Variants in PPM1L observed in about 807,000 individuals in gnomAD.
PPM1L encodes the protein protein phosphatase 1L.
PPM1L carries 13 observed loss-of-function variants against 31.4 expected under a neutral mutation model. The observed-to-expected ratio is 0.41, with a 90% CI of 0.27 to 0.66. PPM1L has a LOEUF of 0.66. Among genes scored for constraint, PPM1L ranks in the 30% least tolerant of loss-of-function variants. The probability of loss-of-function intolerance (pLI) is 0.29; values close to 1 mark genes in which losing one functional copy is unlikely to be tolerated. For synonymous variants in PPM1L, 184 were observed against 175.4 expected (o/e 1.05, Z -0.39); for missense variants, 326 against 453.7 (o/e 0.72, Z 2.56).
At chr3:160,820,503 T>A (rs1576653803) in intron 1 of PPM1L, among the ~76,000 whole-genome samples, 2 of 152,220 alleles carry the variant, frequency 1.3e-5, no homozygotes, top group East Asian at 3.9e-4. Context: ...TTCTTTGTCT[T>A]CAGCCCCAGT....
intron 1 of PPM1L, among the ~76,000 whole-genome samples, chr3:160,767,100 A>G (rs1715121942): frequency 6.6e-6 from 1 of 152,226 alleles, no homozygotes; most frequent in Admixed American, 6.5e-5. Context: ...TAGTTTGTAC[A>G]GAAGCTAAAG....
chr3:160,934,425 C>A (rs1442568091), intron 1 of PPM1L, among the ~76,000 whole-genome samples: 2 of 152,092 alleles, frequency 1.3e-5, no homozygotes, highest in Non-Finnish European at 2.9e-5. Context: ...TTCCATTATT[C>A]CCATCCAACA....
intron 1 of PPM1L, among the ~76,000 whole-genome samples, chr3:160,811,264 C>A (rs1044333947): frequency 2.0e-5 from 3 of 152,342 alleles, no homozygotes; most frequent in Admixed American, 6.5e-5. Flanking sequence ...CTATCCCCCT[C>A]TTTTCTCCCC....
intron 1 of PPM1L, among the ~76,000 whole-genome samples, chr3:160,772,021 T>C (rs1715270634): frequency 6.6e-6 from 1 of 152,172 alleles, no homozygotes; most frequent in African/African-American, 2.4e-5. Flanking sequence ...GACCTGTTTT[T>C]ATAAATGCCT....
Position 160,906,512 on chromosome 3 carries a change from G to T in PPM1L, c.400-55224G>T, listed in dbSNP as rs542193418. 2.6e-3 allele frequency among the ~76,000 whole-genome samples: 393 copies of T among 152,298 alleles called. 1 individual carries two copies. The highest frequency in any genetic ancestry group is 4.2e-3 in the Non-Finnish European group (283 of 68,022). ...AGCTACTCAGGAGGCTGAGGCAGGA[G>T]AATTGCTTGAACCTGGGAGGCGGCG... is the stretch of plus-strand genomic sequence containing the variant. On this transcript the variant is annotated intron_variant, in intron 1 of 3. Coordinates refer to ENST00000498165, the MANE Select transcript of PPM1L (RefSeq NM_139245.4).
intron 1 of PPM1L, among the ~76,000 whole-genome samples, chr3:160,818,894 T>G (rs1477129513): frequency 6.6e-6 from 1 of 151,932 alleles, no homozygotes. Flanking sequence ...AAAAATTTAT[T>G]TATTTATTTA....
At chr3:161,021,995 T>C (rs1306145106) in intron 2 of PPM1L, among the ~76,000 whole-genome samples, 2 of 152,114 alleles carry the variant, frequency 1.3e-5, no homozygotes, top group African/African-American at 4.8e-5. Flanking sequence ...TCATTTATGT[T>C]TAAGGTAATT....
At chr3:161,028,147 A>G (rs9811594) in intron 2 of PPM1L, among the ~76,000 whole-genome samples, 88,344 of 151,998 alleles carry the variant, frequency 0.58, 27,042 homozygotes, top group East Asian at 0.92. Flanking sequence ...AATAGAATTA[A>G]CAAGGCTTAC....
intron 1 of PPM1L, among the ~76,000 whole-genome samples, chr3:160,765,001 A>G (rs1389344419): frequency 1.3e-5 from 2 of 152,238 alleles, no homozygotes; most frequent in East Asian, 3.8e-4. Flanking sequence ...GATCAAAGGA[A>G]TAAAGGAGAA....
chr3:160,784,251 A>G (rs1485888913), intron 1 of PPM1L, among the ~76,000 whole-genome samples: 1 of 152,172 alleles, frequency 6.6e-6, no homozygotes, highest in African/African-American at 2.4e-5. Context: ...ATATATTTAA[A>G]CCATTTAAAA....
At chr3:160,966,267 T>C (rs1716139608) in intron 2 of PPM1L, among the ~76,000 whole-genome samples, 1 of 152,148 alleles carries the variant, frequency 6.6e-6, no homozygotes, top group Non-Finnish European at 1.5e-5. Flanking sequence ...ATTATCTGAC[T>C]TAAAATGTTA....
At chr3:160,790,947 G>A (rs538018992) in intron 1 of PPM1L, among the ~76,000 whole-genome samples, 1 of 152,232 alleles carries the variant, frequency 6.6e-6, no homozygotes, top group South Asian at 2.1e-4. Flanking sequence ...TTATTTTCAG[G>A]TTGTATTTGT....
intron 2 of PPM1L, among the ~76,000 whole-genome samples, chr3:161,049,168 C>T (rs1437280414): frequency 6.6e-6 from 1 of 151,374 alleles, no homozygotes; most frequent in Non-Finnish European, 1.5e-5. Context: ...ATCCCAGCTA[C>T]CTGGGAAGCT....
rs570014079 is a variant in PPM1L, at chr3:161,073,572, T to A, written c.*4415T>A. Reference sequence around the variant, plus strand: ...AAAGCTCTAAACATCATCCCCCCCTTTTTTTTTTTAACGGAATCTCGCTCT... The same window carrying A: ...AAAGCTCTAAACATCATCCCCCCCTATTTTTTTTTAACGGAATCTCGCTCT... On this transcript the variant is annotated 3_prime_UTR_variant, in exon 4 of 4. Coordinates refer to ENST00000498165, the MANE Select transcript of PPM1L (RefSeq NM_139245.4). The A allele has an allele frequency of 4.1e-5, 6 of 147,208 alleles. No homozygotes were observed. Among genetic ancestry groups the A allele is most frequent in the Non-Finnish European group, 7.5e-5 (5 of 66,340 alleles). The allele number at this position is 147,208 out of a possible 1,614,324, so 9.1% of individuals were successfully genotyped here. A position where few individuals can be genotyped will look rare whatever the true frequency, so the allele number is the denominator to read the frequency against.
At chr3:160,848,626 C>T (rs1453744606) in intron 1 of PPM1L, among the ~76,000 whole-genome samples, 1 of 152,202 alleles carries the variant, frequency 6.6e-6, no homozygotes, top group African/African-American at 2.4e-5. Flanking sequence ...TCTGTAGTCT[C>T]CCTGTGTCTG....
intron 2 of PPM1L, among the ~76,000 whole-genome samples, chr3:160,998,125 C>T (rs1226772694): frequency 6.6e-6 from 1 of 152,134 alleles, no homozygotes. Context: ...AGACAAATAA[C>T]ATTACTGGAA....
chr3:161,008,347 C>G (rs748444668), intron 2 of PPM1L, among the ~76,000 whole-genome samples: 1 of 152,178 alleles, frequency 6.6e-6, no homozygotes, highest in Non-Finnish European at 1.5e-5. Context: ...CCCATTCAAT[C>G]TATTAGAATT....
Position 160,938,940 on chromosome 3 carries a change from G to A in PPM1L, c.400-22796G>A, listed in dbSNP as rs542518820. On this transcript the variant is annotated intron_variant, in intron 1 of 3. Transcript: ENST00000498165. ...ACTTCTAAAGACTTTTGAAACAGGT[G>A]AGTTGTGGGGCGCAACTGTTATTAG... Among the ~76,000 whole-genome samples, 30 of 152,366 alleles carry A rather than the reference G, an allele frequency of 2.0e-4. No homozygotes were observed. In the South Asian group the frequency reaches 3.9e-3, roughly 20 times the overall value.
At chr3:160,842,913 T>TAC (rs1302257834) in intron 1 of PPM1L, among the ~76,000 whole-genome samples, 2 of 152,184 alleles carry the variant, frequency 1.3e-5, no homozygotes, top group African/African-American at 4.8e-5. Context: ...TAGCTAAATG[T>TAC]ATATGTATTT....
Sources: gnomAD v4.1 joint callset for allele counts (sites outside exome capture counted in the v4.1 genomes callset) on GRCh38, gnomAD v4.1.1 for gene constraint, MANE v1.5 for transcripts, NCBI Gene and HGNC (gene_info 2026-07-23, HGNC 2026-07-21) for gene names.